Variants in SSU72 observed in about 807,000 individuals in gnomAD.
SSU72 encodes the protein SSU72 homolog, RNA polymerase II CTD phosphatase.
Under a neutral mutation model 22.7 loss-of-function variants are expected in SSU72, and 12 were observed. The ratio of observed to expected loss-of-function variants is 0.53; its 90% CI spans 0.34 to 0.86. The LOEUF (loss-of-function observed/expected upper bound fraction) is 0.86, where lower values mean the gene tolerates loss of function less well. Among genes scored for constraint, SSU72 ranks in the 40% least tolerant of loss-of-function variants. The pLI is 0.02. For synonymous variants in SSU72, 116 were observed against 98.3 expected (o/e 1.18, Z -1.06); for missense variants, 151 against 249.8 (o/e 0.60, Z 2.67).
At chr1:1,566,527 A>T (rs572381993) in intron 1 of SSU72, among the ~76,000 whole-genome samples, 77 of 152,254 alleles carry the variant, frequency 5.1e-4, no homozygotes, top group Middle Eastern at 3.4e-3. Context: ...AATGACACAC[A>T]GACACGTGAG....
At chr1:1,544,053 C>A in intron 3 of SSU72, 66 bp from the exon 4 acceptor site, 1 of 1,269,654 alleles carries the variant, frequency 7.9e-7, no homozygotes, top group South Asian at 1.3e-5. Flanking sequence ...GTCAATGTGG[C>A]TGAGTCCCCA....
At position 1,544,996 on chromosome 1, in the gene SSU72, T is replaced by G; in HGVS notation, c.231A>C (p.Thr77=). ...DLLRKDKELY[T]QNGILHMLDR... is the part of the protein sequence containing the mutation. ...CCAGCATATGTAAAATCCCATTCTG[T>G]GTATAGCTACACATGGGAGTTAAGG... Residue 77 remains threonine, a synonymous_variant, in exon 3 of 5, where the codon ACA becomes ACC. Coordinates refer to ENST00000291386, the MANE Select transcript of SSU72 (RefSeq NM_014188.3). The G allele has an allele frequency of 6.2e-7, 1 of 1,613,846 alleles. No individual in the cohort carries two copies. The highest frequency in any genetic ancestry group is 2.2e-5 in the East Asian group (1 of 44,878).
chr1:1,545,189 A>G, intron 2 of SSU72, 187 bp from the exon 3 acceptor site: 1 of 654,822 alleles, frequency 1.5e-6, no homozygotes, highest in Non-Finnish European at 2.6e-6. Flanking sequence ...GGTCCCACAG[A>G]AAACAAAGTG....
chr1:1,555,392 T>C (rs1017297111), intron 2 of SSU72, among the ~76,000 whole-genome samples: 22 of 152,166 alleles, frequency 1.4e-4, no homozygotes, highest in African/African-American at 5.3e-4. Context: ...TGCCCAGGGC[T>C]CTGACCCAGA....
chr1:1,564,401 C>A, intron 2 of SSU72: 1 of 1,368,290 alleles, frequency 7.3e-7, no homozygotes, highest in South Asian at 1.5e-5. Context: ...CACGCACACA[C>A]GCACGCACAC....
At chr1:1,558,527 T>C (rs1203717147) in intron 2 of SSU72, among the ~76,000 whole-genome samples, 1 of 152,218 alleles carries the variant, frequency 6.6e-6, no homozygotes, top group Non-Finnish European at 1.5e-5. Context: ...TCAGATGCAC[T>C]TGCGTTTCAC....
chr1:1,560,106 G>T (rs968841276), intron 2 of SSU72, among the ~76,000 whole-genome samples: 1 of 152,100 alleles, frequency 6.6e-6, no homozygotes, highest in Non-Finnish European at 1.5e-5. Context: ...CACCTGCCTC[G>T]GTCTCCCAGT....
chr1:1,553,910 C>T (rs1237231584), intron 2 of SSU72, among the ~76,000 whole-genome samples: 2 of 151,984 alleles, frequency 1.3e-5, no homozygotes, highest in Admixed American at 6.6e-5. Context: ...CTGAAAAAAA[C>T]GGAGGATAAA....
At position 1,544,843 on chromosome 1, in the gene SSU72, G is replaced by A; in HGVS notation, c.364+20C>T. The A allele has an allele frequency of 6.2e-7, 1 of 1,614,038 alleles. No homozygotes were observed. Among genetic ancestry groups the A allele is most frequent in the Non-Finnish European group, 8.5e-7 (1 of 1,179,970 alleles). The stretch of plus-strand genomic sequence containing the variant: ...GTGAGAGCTGCTGGAGCCCAGCCCA[G>A]CACGCAGCCGCCTCCTCACCTTCCA... On this transcript the variant is annotated intron_variant, in intron 3 of 4. Coordinates refer to ENST00000291386, the MANE Select transcript of SSU72 (RefSeq NM_014188.3).
intron 2 of SSU72, chr1:1,562,997 C>T (rs11260611): frequency 0.051 from 7,809 of 152,562 alleles, 539 homozygotes; most frequent in East Asian, 0.28. Flanking sequence ...CACTCTCCAC[C>T]GTGGGACGCC....
In SSU72 at chr1:1,545,490, G is replaced by C. The variant is rs1366347106; in HGVS notation, c.225-488C>G. 2.6e-5 allele frequency: 4 copies of C among 155,838 alleles called. No homozygotes were observed. The East Asian group carries it at 5.7e-4, about 22-fold the overall frequency. 9.7% of individuals were successfully genotyped at this position (155,838 alleles called of 1,614,324 possible). On this transcript the variant is annotated intron_variant, in intron 2 of 4. Transcript: ENST00000291386. Reference sequence around the variant, plus strand: ...CCCAGTCTAGCTCAGCTACAACAGAGTCAAGAACATCGGAAAACCCAAAGA... The same window carrying C: ...CCCAGTCTAGCTCAGCTACAACAGACTCAAGAACATCGGAAAACCCAAAGA...
chr1:1,545,338 C>T (rs76678914), intron 2 of SSU72: 2,957 of 292,640 alleles, frequency 0.01, 26 homozygotes, highest in Non-Finnish European at 0.013. Flanking sequence ...GCCCAAGCTG[C>T]CCTTGGCCTC....
chr1:1,548,279 C>T (rs997880428), intron 2 of SSU72, among the ~76,000 whole-genome samples: 2 of 152,204 alleles, frequency 1.3e-5, no homozygotes, highest in African/African-American at 4.8e-5. Context: ...AAACTCCCAG[C>T]TGGGCGCGGT....
chr1:1,558,250 G>A (rs1642544640), intron 2 of SSU72, among the ~76,000 whole-genome samples: 1 of 151,102 alleles, frequency 6.6e-6, no homozygotes, highest in East Asian at 1.9e-4. Context: ...TCTGGTCCCA[G>A]CTACTGGGGA....
Position 1,542,019 on chromosome 1 carries a change from T to C in SSU72, c.*47A>G, listed in dbSNP as rs1642326814. On this transcript the variant is annotated 3_prime_UTR_variant, in exon 5 of 5. Transcript: ENST00000291386. This position sits in a 1 kb window ranked among gnomAD's most constrained non-coding sequence, Gnocchi z 4.4. The stretch of plus-strand genomic sequence containing the variant: ...AAAACAAATGTCAGGAAGGAAAAAG[T>C]ATGAACAACAGGAAGCTCCAGAGGC... 1.3e-6 allele frequency: 2 copies of C among 1,527,500 alleles called. No individual in the cohort carries two copies. The highest frequency in any genetic ancestry group is 1.8e-6 in the Non-Finnish European group (2 of 1,125,562). 94.6% of individuals were successfully genotyped at this position (1,527,500 alleles called of 1,614,324 possible).
chr1:1,550,263 C>A (rs1320231535), intron 2 of SSU72, among the ~76,000 whole-genome samples: 1 of 151,918 alleles, frequency 6.6e-6, no homozygotes, highest in Admixed American at 6.6e-5. Context: ...CAGCAGACAA[C>A]CCCCGCCATC....
At chr1:1,572,158 T>C (rs1642738817) in intron 1 of SSU72, among the ~76,000 whole-genome samples, 1 of 148,066 alleles carries the variant, frequency 6.8e-6, no homozygotes, top group Non-Finnish European at 1.5e-5. Flanking sequence ...CCAGGCGCAG[T>C]AGCTCACGCC....
At chr1:1,546,821 C>A (rs1293920226) in intron 2 of SSU72, among the ~76,000 whole-genome samples, 3 of 136,674 alleles carry the variant, frequency 2.2e-5, no homozygotes, top group African/African-American at 2.8e-5. Context: ...TCGGCCTGGG[C>A]GACAGAGTAA....
intron 1 of SSU72, among the ~76,000 whole-genome samples, chr1:1,570,542 C>T (rs529463252): frequency 6.6e-6 from 1 of 151,610 alleles, no homozygotes; most frequent in Non-Finnish European, 1.5e-5. Flanking sequence ...AGCGCCAATG[C>T]CACCAGTCTG....
Sources: allele counts gnomAD v4.1 joint callset (sites outside exome capture counted in the v4.1 genomes callset), GRCh38; gene constraint gnomAD v4.1.1; non-coding constraint Gnocchi (gnomAD v3.1); transcripts MANE v1.5; gene names NCBI Gene and HGNC (gene_info 2026-07-23, HGNC 2026-07-21).